Variants in GRIA3 observed in about 807,000 individuals in gnomAD.
The protein encoded by GRIA3 is glutamate receptor 3.
A neutral mutation model predicts 63.0 loss-of-function variants in GRIA3; 3 were observed. The observed-to-expected ratio is 0.05, with a 90% CI of 0.02 to 0.12. The LOEUF (loss-of-function observed/expected upper bound fraction) is 0.12, where lower values mean the gene tolerates loss of function less well. Ranked by LOEUF, GRIA3 falls within the 10% of genes least tolerant of loss-of-function variation. The pLI is 1.00. For missense variants in GRIA3, 347 were observed against 700.9 expected (o/e 0.50, Z 5.70); for synonymous variants, 274 against 257.9 (o/e 1.06, Z -0.60).
intron 12 of GRIA3, among the ~76,000 whole-genome samples, chrX:123,441,505 G>T (rs966220118): frequency 2.7e-5 from 3 of 111,153 alleles, no homozygotes; most frequent in African/African-American, 9.8e-5. Context: ...TGCATGTGAA[G>T]GTGAGGTTCA....
intron 5 of GRIA3, among the ~76,000 whole-genome samples, chrX:123,386,841 T>C (rs966830429): frequency 1.8e-5 from 2 of 111,881 alleles, no homozygotes; most frequent in Non-Finnish European, 3.8e-5. Flanking sequence ...ATGAATACTG[T>C]GTCATTTTGA....
At chrX:123,396,887 C>G (rs2045416990) in intron 6 of GRIA3, among the ~76,000 whole-genome samples, 1 of 111,812 alleles carries the variant, frequency 8.9e-6, no homozygotes, top group South Asian at 3.8e-4. Context: ...TTTAGATTTA[C>G]CAGGTAATAG....
chrX:123,453,140 CCAAATGTCCAT>C (rs1326310803), intron 12 of GRIA3, among the ~76,000 whole-genome samples: 1 of 111,724 alleles, frequency 9.0e-6, no homozygotes, highest in East Asian at 2.8e-4. Flanking sequence ...TGGAACCAAC[CCAAATGTCCAT>C]CAATGATAGA....
chrX:123,224,291 G>A (rs1004358884), intron 2 of GRIA3, among the ~76,000 whole-genome samples: 3 of 111,688 alleles, frequency 2.7e-5, no homozygotes, highest in African/African-American at 9.8e-5. Flanking sequence ...TCCATGCTAT[G>A]ACTTACATGA....
At chrX:123,335,662 C>T (rs1335154860) in intron 4 of GRIA3, among the ~76,000 whole-genome samples, 1 of 111,071 alleles carries the variant, frequency 9.0e-6, no homozygotes, top group Non-Finnish European at 1.9e-5. Context: ...ATGCAAATAT[C>T]CTCTTTATTT....
chrX:123,343,082 A>T (rs2045019259), intron 4 of GRIA3, among the ~76,000 whole-genome samples: 1 of 111,934 alleles, frequency 8.9e-6, no homozygotes, highest in Admixed American at 9.5e-5. Context: ...CTGTGCCTCA[A>T]TTTCCTTACC....
At chrX:123,374,297 C>T (rs745769754) in intron 5 of GRIA3, among the ~76,000 whole-genome samples, 1 of 111,722 alleles carries the variant, frequency 9.0e-6, no homozygotes, top group East Asian at 2.8e-4. Context: ...CGTGATGCCT[C>T]CAGCTTTGTT....
chrX:123,228,094 T>A (rs1485673775), intron 2 of GRIA3, among the ~76,000 whole-genome samples: 1 of 111,971 alleles, frequency 8.9e-6, no homozygotes, highest in Non-Finnish European at 1.9e-5. Flanking sequence ...AAAGGAAGAA[T>A]GGAAATTATC....
chrX:123,383,374 C>A (rs749646307), intron 5 of GRIA3, among the ~76,000 whole-genome samples: 120 of 111,291 alleles, frequency 1.1e-3, no homozygotes, highest in Non-Finnish European at 2.0e-3. Flanking sequence ...AACAAGAGAA[C>A]TTTTCCCTTC....
At chrX:123,393,362 G>A (rs1484198735) in intron 5 of GRIA3, among the ~76,000 whole-genome samples, 3 of 112,359 alleles carry the variant, frequency 2.7e-5, no homozygotes, top group African/African-American at 6.5e-5. Context: ...AGCTATACAC[G>A]TAAAGATATG....
At chrX:123,199,871 A>G (rs1206897448) in intron 2 of GRIA3, among the ~76,000 whole-genome samples, 1 of 112,008 alleles carries the variant, frequency 8.9e-6, no homozygotes, top group Non-Finnish European at 1.9e-5. Flanking sequence ...CAAAGTCTTG[A>G]AGTCCTATTA....
intron 12 of GRIA3, among the ~76,000 whole-genome samples, chrX:123,445,012 T>C (rs934215033): frequency 1.8e-5 from 2 of 111,577 alleles, no homozygotes; most frequent in Admixed American, 1.9e-4. Flanking sequence ...GAGGGCAGAT[T>C]GCCCAGCCTT....
At chrX:123,405,943 A>G (rs1427842328) in intron 10 of GRIA3, among the ~76,000 whole-genome samples, 1 of 112,696 alleles carries the variant, frequency 8.9e-6, no homozygotes, top group Non-Finnish European at 1.9e-5. Flanking sequence ...TAGACATTCA[A>G]TAAATCCTTG....
chrX:123,269,446 G>A (rs1028935405), intron 3 of GRIA3, among the ~76,000 whole-genome samples: 1 of 112,011 alleles, frequency 8.9e-6, no homozygotes, highest in Non-Finnish European at 1.9e-5. Context: ...GACATAGAAC[G>A]AAGATCTTTA....
chrX:123,185,603 G>A (rs1410831806), intron 1 of GRIA3, among the ~76,000 whole-genome samples: 2 of 109,751 alleles, frequency 1.8e-5, no homozygotes, highest in East Asian at 5.8e-4. Flanking sequence ...CGGCTCCCTC[G>A]TCTCTTCTCC....
At chrX:123,225,865 T>C (rs773297969) in intron 2 of GRIA3, among the ~76,000 whole-genome samples, 5 of 111,360 alleles carry the variant, frequency 4.5e-5, no homozygotes, top group African/African-American at 1.3e-4. Flanking sequence ...ATTAATGGTA[T>C]TTCTGACTCT....
At position 123,380,587 on chromosome X, in the gene GRIA3, C is replaced by T. The variant is rs1253052060; in HGVS notation, c.751-14381C>T. The stretch of plus-strand genomic sequence containing the variant: ...TAGATTGCAAAAATTTTCTCCCATT[C>T]TGTAGGTTGCCTGTTCACTCTGATG... On this transcript the variant is annotated intron_variant, in intron 5 of 15. Transcript: ENST00000620443. Among the ~76,000 whole-genome samples, 5 of 111,642 alleles carry T rather than the reference C, an allele frequency of 4.5e-5. No homozygotes were observed. The South Asian group carries it at 1.5e-3, about 34-fold the overall frequency.
chrX:123,288,078 A>G (rs2044632058), intron 3 of GRIA3, among the ~76,000 whole-genome samples: 1 of 112,532 alleles, frequency 8.9e-6, no homozygotes, highest in Admixed American at 9.4e-5. Flanking sequence ...ATATAGACCA[A>G]TGGAACAGAA....
At chrX:123,367,423 TTTG>T (rs990596290) in intron 5 of GRIA3, among the ~76,000 whole-genome samples, 5 of 105,797 alleles carry the variant, frequency 4.7e-5, no homozygotes, top group Admixed American at 4.1e-4. Flanking sequence ...CTCTCTTTTT[TTTG>T]TTTTTTGTTT....
Sources: gnomAD v4.1 joint callset for allele counts (sites outside exome capture counted in the v4.1 genomes callset) on GRCh38, gnomAD v4.1.1 for gene constraint, MANE v1.5 for transcripts, NCBI Gene and HGNC (gene_info 2026-07-23, HGNC 2026-07-21) for gene names.